The following CYB5R4 variants were observed in gnomAD, a reference collection of about 807,000 sequenced individuals.
The protein encoded by CYB5R4 is cytochrome b5 reductase 4.
In CYB5R4, 55 loss-of-function variants were observed where a neutral mutation model predicts 70.2. The observed-to-expected ratio is 0.78, with a 90% CI of 0.63 to 0.98. The LOEUF is 0.98. Among genes scored for constraint, CYB5R4 ranks in the 50% least tolerant of loss-of-function variants. The probability of loss-of-function intolerance (pLI) is 0.00; values close to 1 mark genes in which losing one functional copy is unlikely to be tolerated. For synonymous variants in CYB5R4, 197 were observed against 199.5 expected (o/e 0.99, Z 0.11); for missense variants, 562 against 612.6 (o/e 0.92, Z 0.87).
rs540737404 is a variant in CYB5R4, at chr6:83,947,759, G to A, written c.1346+7158G>A. Among the ~76,000 whole-genome samples the A allele has an allele frequency of 2.6e-5, 4 of 152,164 alleles. No homozygotes were observed. The South Asian group carries it at 8.3e-4, about 32-fold the overall frequency. ...TATCAACAGACACTTTCCAATAGAAGACATTTATGCAGCCAACAAACATAC... is the reference window on the plus strand; with the variant it reads ...TATCAACAGACACTTTCCAATAGAAAACATTTATGCAGCCAACAAACATAC... On this transcript the variant is annotated intron_variant, in intron 14 of 15. Coordinates refer to ENST00000369681, the MANE Select transcript of CYB5R4 (RefSeq NM_016230.4).
intron 5 of CYB5R4, among the ~76,000 whole-genome samples, chr6:83,915,194 T>C (rs762856549): frequency 6.6e-5 from 10 of 152,186 alleles, no homozygotes; most frequent in Non-Finnish European, 1.0e-4. Flanking sequence ...GCAAAAAAGT[T>C]TGGCATGGTG....
At chr6:83,917,144 A>G (rs1237452666) in intron 5 of CYB5R4, among the ~76,000 whole-genome samples, 3 of 152,138 alleles carry the variant, frequency 2.0e-5, no homozygotes, top group Non-Finnish European at 4.4e-5. Context: ...TTTAAAATGC[A>G]TCATACACCC....
At chr6:83,941,666 G>A (rs1297951372) in intron 14 of CYB5R4, among the ~76,000 whole-genome samples, 2 of 152,034 alleles carry the variant, frequency 1.3e-5, no homozygotes, top group East Asian at 3.8e-4. Flanking sequence ...TTTAATAAAT[G>A]ACTTTCAAAA....
intron 8 of CYB5R4, among the ~76,000 whole-genome samples, chr6:83,921,409 A>G (rs1562839648): frequency 6.6e-6 from 1 of 152,214 alleles, no homozygotes. Flanking sequence ...AATCAATAAT[A>G]TAAAATACTT....
At chr6:83,898,814 T>TG (rs1192026930) in intron 3 of CYB5R4, among the ~76,000 whole-genome samples, 1 of 152,198 alleles carries the variant, frequency 6.6e-6, no homozygotes, top group Non-Finnish European at 1.5e-5. Context: ...ACATTGATTT[T>TG]GTATCCTGAG....
intron 2 of CYB5R4, among the ~76,000 whole-genome samples, chr6:83,873,228 T>G (rs2099457934): frequency 6.7e-6 from 1 of 150,328 alleles, no homozygotes; most frequent in South Asian, 2.1e-4. Context: ...TCATATAGGG[T>G]ATCCTTCTTT....
chr6:83,967,257 G>C lies in CYB5R4; in HGVS notation c.*7379G>C, dbSNP rs1036930429. On this transcript the variant is annotated 3_prime_UTR_variant, in exon 16 of 16. Transcript: ENST00000369681. ...AAAGACTAGAAAGTCATCAATAAAAGGATTGGAGAACATTAAACTTGTAGA... is the reference window on the plus strand; with the variant it reads ...AAAGACTAGAAAGTCATCAATAAAACGATTGGAGAACATTAAACTTGTAGA... 2.0e-5 allele frequency: 3 copies of C among 152,110 alleles called. No individual in the cohort carries two copies. The South Asian group carries it at 6.2e-4, about 32-fold the overall frequency. 9.4% of individuals were successfully genotyped at this position (152,110 alleles called of 1,614,324 possible).
Position 83,964,019 on chromosome 6 carries a change from T to C in CYB5R4, c.*4141T>C. 4.3e-6 allele frequency: 1 copy of C among 231,132 alleles called. No homozygotes were observed. Among genetic ancestry groups the C allele is most frequent in the South Asian group, 7.3e-5 (1 of 13,698 alleles). 14.3% of individuals were successfully genotyped at this position (231,132 alleles called of 1,614,324 possible). On this transcript the variant is annotated 3_prime_UTR_variant, in exon 16 of 16. Coordinates refer to ENST00000369681, the MANE Select transcript of CYB5R4 (RefSeq NM_016230.4). ...TGCCTTTCACCTCCTGCCATGATTC[T>C]GAGGCCTCCCCAGCCATGTGGAACT...
chr6:83,951,796 C>G (rs2099471575), intron 14 of CYB5R4, among the ~76,000 whole-genome samples: 1 of 152,128 alleles, frequency 6.6e-6, no homozygotes, highest in Non-Finnish European at 1.5e-5. Flanking sequence ...TGAGTATATA[C>G]CCAGTAATGG....
chr6:83,919,821 A>G (rs965283837), intron 7 of CYB5R4, among the ~76,000 whole-genome samples: 3 of 151,636 alleles, frequency 2.0e-5, no homozygotes, highest in Admixed American at 2.0e-4. Flanking sequence ...ATAACAAAAA[A>G]TGAATCTCAG....
chr6:83,917,291 A>G lies in CYB5R4; in HGVS notation c.446-714A>G, dbSNP rs61763818. ...TTTCAAACACTTTTTACTGTGGTAA[A>G]AAGTGTAAATTGGTACAACCACTTT... On this transcript the variant is annotated intron_variant, in intron 5 of 15. Transcript: ENST00000369681. Among the ~76,000 whole-genome samples, 934 of 152,224 alleles carry G rather than the reference A, an allele frequency of 6.1e-3. 8 individuals are homozygous for G. Among genetic ancestry groups the G allele is most frequent in the African/African-American group, 0.021 (886 of 41,566 alleles).
chr6:83,955,364 A>T lies in CYB5R4; in HGVS notation c.1413A>T (p.Ser471=), dbSNP rs186394821. The T allele has an allele frequency of 1.9e-5, 31 of 1,613,992 alleles. No individual in the cohort carries two copies. In the African/African-American group the frequency reaches 3.3e-4, roughly 17 times the overall value. Residue 471 remains serine (S), a synonymous_variant, in exon 15 of 16, where the codon TCA becomes TCT. Transcript: ENST00000369681. ...GGAATGGCAAACAGGGACATATTTC[A>T]CCAGCTCTTCTTTCTGAATTTTTGA... The part of the protein sequence containing the change: ...SEWNGKQGHI[S]PALLSEFLKR...
intron 15 of CYB5R4, among the ~76,000 whole-genome samples, 173 bp downstream of exon 15, chr6:83,955,635 T>A (rs1220435230): frequency 6.6e-6 from 1 of 152,202 alleles, no homozygotes; most frequent in African/African-American, 2.4e-5. Flanking sequence ...AGGCCAGGAT[T>A]ATGCATATTG....
chr6:83,870,597 C>T (rs962790966), intron 2 of CYB5R4, among the ~76,000 whole-genome samples: 15 of 151,878 alleles, frequency 9.9e-5, no homozygotes, highest in African/African-American at 3.1e-4. Context: ...TGTAATAGAA[C>T]ATATTAACCC....
chr6:83,929,482 A>C (rs1387870370), intron 10 of CYB5R4: 1 of 152,184 alleles, frequency 6.6e-6, no homozygotes, highest in African/African-American at 2.4e-5. Flanking sequence ...AGAAACTTTC[A>C]TTTTTTACCT....
rs1281641915 is a variant in CYB5R4 at position 83,967,055 on chromosome 6, G to T, written c.*7177G>T. 6.6e-6 allele frequency: 1 copy of T among 152,174 alleles called. No homozygotes were observed. The highest frequency in any genetic ancestry group is 2.4e-5 in the African/African-American group (1 of 41,444). The allele number at this position is 152,174 out of a possible 1,614,324, so 9.4% of individuals were successfully genotyped here. ...GCATTGCCTTATGCTTTAAGAAAGTGTTGTACCACATTTGATATCCTGATG... is the reference window on the plus strand; with the variant it reads ...GCATTGCCTTATGCTTTAAGAAAGTTTTGTACCACATTTGATATCCTGATG... On this transcript the variant is annotated 3_prime_UTR_variant, in exon 16 of 16. Coordinates refer to ENST00000369681, the MANE Select transcript of CYB5R4 (RefSeq NM_016230.4).
At chr6:83,957,405 G>A (rs1329982418) in intron 15 of CYB5R4, among the ~76,000 whole-genome samples, 2 of 151,988 alleles carry the variant, frequency 1.3e-5, no homozygotes, top group Non-Finnish European at 2.9e-5. Flanking sequence ...TGGATCACCT[G>A]AGGTCAGGAG....
chr6:83,910,448 G>A (rs2099464497), intron 4 of CYB5R4, among the ~76,000 whole-genome samples: 1 of 152,128 alleles, frequency 6.6e-6, no homozygotes, highest in African/African-American at 2.4e-5. Context: ...TGCTCCTTCT[G>A]CTATAGGGCC....
chr6:83,896,987 G>A (rs901452484), intron 3 of CYB5R4, among the ~76,000 whole-genome samples: 1 of 151,728 alleles, frequency 6.6e-6, no homozygotes, highest in African/African-American at 2.4e-5. Context: ...GTATACGTGT[G>A]CCATTTTGGT....
Sources: gnomAD v4.1 joint callset for allele counts (sites outside exome capture counted in the v4.1 genomes callset) on GRCh38, gnomAD v4.1.1 for gene constraint, MANE v1.5 for transcripts, NCBI Gene and HGNC (gene_info 2026-07-23, HGNC 2026-07-21) for gene names.